The following LCMT1 variants were observed in gnomAD, a reference collection of about 807,000 sequenced individuals.
LCMT1 encodes [Phosphatase 2A protein]-leucine-carboxy methyltransferase 1.
In LCMT1, 32 loss-of-function variants were observed where a neutral mutation model predicts 47.7. That is an observed-to-expected ratio of 0.67 (90% CI 0.51 to 0.90). LCMT1 has a LOEUF of 0.90. LCMT1 is among the 40% of genes least tolerant of loss of function. The pLI, the probability that LCMT1 is intolerant of heterozygous loss-of-function variation, is 0.00. For synonymous variants in LCMT1, 152 were observed against 149.7 expected, an observed-to-expected ratio of 1.02 and a Z score of -0.11; for missense variants, 375 against 415.2, an observed-to-expected ratio of 0.90 and a Z score of 0.84.
At chr16:25,134,632 A>G (rs1960450420) in intron 3 of LCMT1, among the ~76,000 whole-genome samples, 1 of 151,728 alleles carries the variant, frequency 6.6e-6, no homozygotes. Context: ...AGTCTTACTC[A>G]CTCTCTCACC....
At chr16:25,156,153 GACTACGAGGTT>G (rs1455925966) in intron 5 of LCMT1, among the ~76,000 whole-genome samples, 1 of 152,104 alleles carries the variant, frequency 6.6e-6, no homozygotes, top group Non-Finnish European at 1.5e-5. Context: ...GGCCCTCCCT[GACTACGAGGTT>G]AAAGACAGAC....
At chr16:25,116,389 C>A (rs1448759310) in intron 1 of LCMT1, among the ~76,000 whole-genome samples, 1 of 152,146 alleles carries the variant, frequency 6.6e-6, no homozygotes, top group African/African-American at 2.4e-5. Context: ...TTTTTCTCTG[C>A]TTAGACAAAA....
In LCMT1 at chr16:25,175,007, T is replaced by C; in HGVS notation, c.955T>C (p.Trp319Arg). ...EQLMRHYCLC[W>R]ATKGGNELGL... Reference sequence around the variant, plus strand: ...GCTCATGCGGCATTACTGCCTTTGCTGGGCAACCAAAGGAGGAAATGAGCT... The same window carrying C: ...GCTCATGCGGCATTACTGCCTTTGCCGGGCAACCAAAGGAGGAAATGAGCT... The change falls in exon 10 of 11, where the codon TGG becomes CGG. Residue 319 changes from tryptophan (W) to arginine (R), a missense_variant. Coordinates refer to ENST00000399069, the MANE Select transcript of LCMT1 (RefSeq NM_016309.3). 3.7e-6 allele frequency: 6 copies of C among 1,609,812 alleles called. No individual in the cohort carries two copies. The highest frequency in any genetic ancestry group is 5.1e-6 in the Non-Finnish European group (6 of 1,176,806).
chr16:25,139,690 C>T (rs139869629), intron 3 of LCMT1, among the ~76,000 whole-genome samples: 34 of 152,094 alleles, frequency 2.2e-4, no homozygotes, highest in African/African-American at 8.2e-4. Context: ...GTTGTTAAAT[C>T]GTTTAAACTT....
At chr16:25,157,943 A>G (rs1567324024) in intron 5 of LCMT1, among the ~76,000 whole-genome samples, 1 of 152,272 alleles carries the variant, frequency 6.6e-6, no homozygotes, top group Non-Finnish European at 1.5e-5. Flanking sequence ...GGGTTTAAAC[A>G]GCTGAAGTAT....
Position 25,177,305 on chromosome 16 carries a change from T to G in LCMT1, c.983-696T>G, listed in dbSNP as rs150814122. On this transcript the variant is annotated intron_variant, in intron 10 of 10. Coordinates refer to ENST00000399069, the MANE Select transcript of LCMT1 (RefSeq NM_016309.3). The stretch of plus-strand genomic sequence containing the variant: ...AAGTATGACTAAGAAAATCCACCTG[T>G]ATGCCTGTCAGTCAGAGATGACCTC... 2.0e-4 allele frequency among the ~76,000 whole-genome samples: 30 copies of G among 152,324 alleles called. No individual in the cohort carries two copies. In the East Asian group the frequency reaches 5.8e-3, roughly 29 times the overall value.
chr16:25,152,997 C>T (rs1234067688), intron 5 of LCMT1, among the ~76,000 whole-genome samples: 1 of 152,104 alleles, frequency 6.6e-6, no homozygotes, highest in African/African-American at 2.4e-5. Context: ...AGAGGACAGC[C>T]TTCACCAGTA....
rs1161696413 is a variant in LCMT1, at chr16:25,174,934, C to T, written c.885-3C>T. On this transcript the variant is annotated splice_region_variant and splice_polypyrimidine_tract_variant and intron_variant, in intron 9 of 10. Coordinates refer to ENST00000399069, the MANE Select transcript of LCMT1 (RefSeq NM_016309.3). Reference sequence around the variant, plus strand: ...CATCGTTCTATTTTAATTCTTTCCACAGGATAGAATCACTTGAATTCCTGG... The same window carrying T: ...CATCGTTCTATTTTAATTCTTTCCATAGGATAGAATCACTTGAATTCCTGG... 1 of 1,530,408 alleles carries T rather than the reference C, an allele frequency of 6.5e-7. No homozygotes were observed. Among genetic ancestry groups the T allele is most frequent in the Admixed American group, 1.8e-5 (1 of 56,184 alleles). 94.8% of individuals were successfully genotyped at this position (1,530,408 alleles called of 1,614,324 possible).
In LCMT1 at chr16:25,111,915, C is replaced by T. The variant is rs571948136; in HGVS notation, c.32C>T (p.Thr11Ile). The T allele has an allele frequency of 4.5e-5, 73 of 1,613,330 alleles. No individual in the cohort carries two copies. Among genetic ancestry groups the T allele is most frequent in the South Asian group, 2.6e-4 (24 of 91,082 alleles). ...ACTAGGCAGAGGGAATCCTCTATCA[C>T]CTCCTGCTGTTCCACCTCGAGCTGC... MATRQRESSI[T>I]SCCSTSSCDA... Residue 11 changes from threonine to isoleucine, a missense_variant, in exon 1 of 11, where the codon ACC (threonine) becomes ATC (isoleucine). Physicochemically the swap from Thr to Ile is moderately conservative, Grantham distance 89. Coordinates refer to ENST00000399069, the MANE Select transcript of LCMT1 (RefSeq NM_016309.3).
At chr16:25,138,044 G>A (rs1960555762) in intron 3 of LCMT1, among the ~76,000 whole-genome samples, 1 of 152,176 alleles carries the variant, frequency 6.6e-6, no homozygotes, top group Admixed American at 6.5e-5. Context: ...TCAGAAACAA[G>A]GTGTCACCCT....
At chr16:25,116,140 A>T (rs762306119) in intron 1 of LCMT1, among the ~76,000 whole-genome samples, 1 of 152,130 alleles carries the variant, frequency 6.6e-6, no homozygotes, top group African/African-American at 2.4e-5. Flanking sequence ...TCAGTAAGAG[A>T]GTGTTAGACC....
intron 1 of LCMT1, 45 bp downstream of exon 1, chr16:25,112,041 G>A (rs1329793026): frequency 7.5e-7 from 1 of 1,329,566 alleles, no homozygotes; most frequent in Non-Finnish European, 1.1e-6. Context: ...TGGGGCGCGG[G>A]CCTAGGTGGG....
chr16:25,171,671 C>T (rs1050537839), intron 9 of LCMT1, among the ~76,000 whole-genome samples: 3 of 152,052 alleles, frequency 2.0e-5, no homozygotes, highest in Admixed American at 6.6e-5. Flanking sequence ...TGTTCAAGGA[C>T]GTATAAGGGG....
At chr16:25,112,123 T>G in intron 1 of LCMT1, 127 bp downstream of exon 1, 1 of 715,274 alleles carries the variant, frequency 1.4e-6, no homozygotes, top group South Asian at 1.5e-5. Context: ...CGACCCTCGC[T>G]TCCCACCTGT....
chr16:25,136,809 G>C (rs1567314497), intron 3 of LCMT1, among the ~76,000 whole-genome samples: 1 of 152,106 alleles, frequency 6.6e-6, no homozygotes, highest in Non-Finnish European at 1.5e-5. Context: ...AAAGTGCAGG[G>C]ATTACAGATG....
intron 10 of LCMT1, among the ~76,000 whole-genome samples, chr16:25,177,214 G>A (rs1961975017): frequency 6.6e-6 from 1 of 151,768 alleles, no homozygotes; most frequent in East Asian, 1.9e-4. Context: ...TGGGGTATTT[G>A]TATGTTATCC....
At chr16:25,155,546 C>T (rs1406974444) in intron 5 of LCMT1, among the ~76,000 whole-genome samples, 1 of 152,152 alleles carries the variant, frequency 6.6e-6, no homozygotes. Context: ...GACCCTTTCT[C>T]TCAAAAGAGT....
chr16:25,133,002 C>T (rs955947712), intron 3 of LCMT1, among the ~76,000 whole-genome samples: 1 of 152,042 alleles, frequency 6.6e-6, no homozygotes, highest in Non-Finnish European at 1.5e-5. Flanking sequence ...GGACCACAGG[C>T]ATGCGCCACC....
intron 9 of LCMT1, among the ~76,000 whole-genome samples, chr16:25,171,438 A>AC (rs1410171281): frequency 1.3e-5 from 2 of 152,046 alleles, no homozygotes; most frequent in African/African-American, 2.4e-5. Context: ...AAACAAACAA[A>AC]AAAAAACCCC....
Sources: allele counts gnomAD v4.1 joint callset (sites outside exome capture counted in the v4.1 genomes callset), GRCh38; gene constraint gnomAD v4.1.1; transcripts MANE v1.5; gene names NCBI Gene and HGNC (gene_info 2026-07-23, HGNC 2026-07-21).